TUBGCP6: variants seen among roughly 807,000 people sequenced by gnomAD.
TUBGCP6 encodes tubulin gamma complex component 6, also known as gamma-tubulin complex component 6.
Under a neutral mutation model 175.8 loss-of-function variants are expected in TUBGCP6, and 161 were observed. The ratio of observed to expected loss-of-function variants is 0.92; its 90% confidence interval spans 0.81 to 1.04. The LOEUF (loss-of-function observed/expected upper bound fraction) is 1.04, where lower values mean the gene tolerates loss of function less well. Ranked by LOEUF, TUBGCP6 falls within the 50% of genes least tolerant of loss-of-function variation. The pLI is 0.00. For synonymous variants in TUBGCP6, 1,173 were observed against 1,030.5 expected (o/e 1.14, Z -2.65); for missense variants, 2,572 against 2,433.0 (o/e 1.06, Z -1.20).
In TUBGCP6 at chr22:50,222,097, C is replaced by T; in HGVS notation, c.2415G>A (p.Met805Ile). 6.2e-7 allele frequency: 1 copy of T among 1,613,612 alleles called. No individual in the cohort carries two copies. Among genetic ancestry groups the T allele is most frequent in the Non-Finnish European group, 8.5e-7 (1 of 1,179,962 alleles). Residue 805 changes from methionine (M) to isoleucine (I), a missense_variant, in exon 15 of 25, where the codon ATG (methionine) becomes ATA (isoleucine). Coordinates refer to ENST00000248846, the MANE Select transcript of TUBGCP6 (RefSeq NM_020461.4). ...GGTGAGCCTCAGACACTGCTTTCAG[C>T]ATCTCCTGAAATTCAAGCCAGAGGG... ...LLEDEKHIQE[M>I]LKAVSEAHQP...
chr22:50,233,898 C>T (rs1401611632), intron 2 of TUBGCP6, among the ~76,000 whole-genome samples: 19 of 152,036 alleles, frequency 1.2e-4, no homozygotes, highest in Admixed American at 1.2e-3. Context: ...AGAAACAAAA[C>T]AAGATTTGTA....
At position 50,218,660 on chromosome 22, in the gene TUBGCP6, G is replaced by A; in HGVS notation, c.4822-40C>T. 3.1e-6 allele frequency: 5 copies of A among 1,613,606 alleles called. No homozygotes were observed. The South Asian group carries it at 4.4e-5, about 14-fold the overall frequency. ...GGCTCAGCAGGCATCCCACAGGCAG[G>A]CAGGCCCCTGTCCCATCCCCCGCGG... On this transcript the variant is annotated intron_variant, in intron 21 of 24. Coordinates refer to ENST00000248846, the MANE Select transcript of TUBGCP6 (RefSeq NM_020461.4).
Position 50,219,731 on chromosome 22 carries a change from C to T in TUBGCP6, c.4228G>A (p.Glu1410Lys). 3.1e-6 allele frequency: 5 copies of T among 1,613,742 alleles called. No individual in the cohort carries two copies. Among genetic ancestry groups the T allele is most frequent in the Non-Finnish European group, 4.2e-6 (5 of 1,179,998 alleles). ...RGEEAEASAA[E>K]AQGGEQAYLA... The stretch of plus-strand genomic sequence containing the variant: ...TAGGCCTGCTCCCCACCCTGAGCCT[C>T]CGCCGCCGATGCCTCCGCCTCCTCA... Residue 1410 changes from glutamate (E) to lysine (K), a missense_variant, in exon 18 of 25, where the codon GAG becomes AAG. By Grantham distance (56) the Glu-to-Lys change is moderately conservative (BLOSUM62 1). Coordinates refer to ENST00000248846, the MANE Select transcript of TUBGCP6 (RefSeq NM_020461.4).
intron 21 of TUBGCP6, 40 bp downstream of exon 21, chr22:50,218,663 G>GGCAA: frequency 6.2e-7 from 1 of 1,613,632 alleles, no homozygotes; most frequent in Non-Finnish European, 8.5e-7. Context: ...CAGGCAGGCA[G>GGCAA]GCCCCTGTCC....
At position 50,220,434 on chromosome 22, in the gene TUBGCP6, C is replaced by T. The variant is rs2064498144; in HGVS notation, c.3925G>A (p.Gly1309Arg). Residue 1309 changes from glycine (G) to arginine (R), a missense_variant, in exon 16 of 25, where the codon GGA (glycine) becomes AGA (arginine). Transcript: ENST00000248846. Reference protein sequence around the residue: ...GHTSQSALSLGAQSTVLDCGP... With the variant: ...GHTSQSALSLRAQSTVLDCGP... ...CAGTCCAGCACAGTGCTCTGTGCTC[C>T]CAGGCTGAGCGCTGACTGGGACGTG... The T allele has an allele frequency of 1.2e-6, 2 of 1,610,888 alleles. No homozygotes were observed. The highest frequency in any genetic ancestry group is 1.3e-5 in the African/African-American group (1 of 74,906).
At position 50,237,893 on chromosome 22, in the gene TUBGCP6, C is replaced by T. The variant is rs559176070; in HGVS notation, c.905+2311G>A. Among the ~76,000 whole-genome samples, 343 of 152,226 alleles carry T rather than the reference C, an allele frequency of 2.3e-3. 2 individuals carry two copies. The highest frequency in any genetic ancestry group is 3.8e-3 in the Non-Finnish European group (256 of 67,996). On this transcript the variant is annotated intron_variant, in intron 2 of 24. Transcript: ENST00000248846. ...ATCCCAGCACTTTGGGAGGCCGAGG[C>T]GGGTGGATCACCTGACGGTGGGAGT...
Position 50,218,328 on chromosome 22 carries a change from C to A in TUBGCP6, c.5029G>T (p.Val1677Leu). Reference sequence around the variant, plus strand: ...GCGATGTAGCCCTGGATGACCTTCACGAAATGCTGCATCTCGTGCTTGAAC... The same window carrying A: ...GCGATGTAGCCCTGGATGACCTTCAAGAAATGCTGCATCTCGTGCTTGAAC... ...QLFKHEMQHFVKVIQGYIANQ... is the reference protein window; with the variant it reads ...QLFKHEMQHFLKVIQGYIANQ... Residue 1677 changes from valine to leucine, a missense_variant, in exon 23 of 25, where the codon GTG becomes TTG. Val to Leu is a conservative substitution (Grantham distance 32). Coordinates refer to ENST00000248846, the MANE Select transcript of TUBGCP6 (RefSeq NM_020461.4). 1 of 1,613,088 alleles carries A rather than the reference C, an allele frequency of 6.2e-7. No individual in the cohort carries two copies. The highest frequency in any genetic ancestry group is 1.7e-5 in the Admixed American group (1 of 60,030).
Position 50,219,966 on chromosome 22 carries a change from G to A in TUBGCP6, c.4158C>T (p.Leu1386=), listed in dbSNP as rs1226455891. 1.9e-6 allele frequency: 3 copies of A among 1,614,020 alleles called. No homozygotes were observed. The highest frequency in any genetic ancestry group is 2.5e-6 in the Non-Finnish European group (3 of 1,179,962). Residue 1386 remains leucine, a synonymous_variant, in exon 17 of 25, where the codon CTC becomes CTT. Coordinates refer to ENST00000248846, the MANE Select transcript of TUBGCP6 (RefSeq NM_020461.4). ...DTEDLSPNWP[L]NSQEDTAAQS... is the part of the protein sequence containing the mutation. The stretch of plus-strand genomic sequence containing the variant: ...GCTGCATCCACCTAACCTGTGAGTT[G>A]AGAGGCCAATTTGGAGAGAGGTCCT...
intron 11 of TUBGCP6, 40 bp downstream of exon 11, chr22:50,224,471 C>A (rs776578915): frequency 1.2e-6 from 2 of 1,613,994 alleles, no homozygotes; most frequent in Non-Finnish European, 1.7e-6. Flanking sequence ...CCCAGCAAGG[C>A]CCCCCGGAAC....
At chr22:50,233,213 C>A in intron 3 of TUBGCP6, 103 bp downstream of exon 3, 2 of 1,362,880 alleles carry the variant, frequency 1.5e-6, no homozygotes, top group Non-Finnish European at 2.0e-6. Context: ...CCACTCCCCA[C>A]TCCCTGCACT....
chr22:50,218,723 A>G lies in TUBGCP6; in HGVS notation c.4801T>C (p.Cys1601Arg). 6.2e-7 allele frequency: 1 copy of G among 1,613,908 alleles called. No homozygotes were observed. The highest frequency in any genetic ancestry group is 8.5e-7 in the Non-Finnish European group (1 of 1,179,958). The change falls in exon 21 of 25, where the codon TGC becomes CGC. Residue 1601 changes from cysteine (C) to arginine (R), a missense_variant. Physicochemically the swap from Cys to Arg is radical, Grantham distance 180 (BLOSUM62 -3). Transcript: ENST00000248846. Reference protein sequence around the residue: ...FAPNAPDVLSCLELRYKVDWP... With the variant: ...FAPNAPDVLSRLELRYKVDWP... ...CTGACCTTGTACCTGAGCTCCAGGCAGCTCAGCACATCCGGGGCGTTGGGG... is the reference window on the plus strand; with the variant it reads ...CTGACCTTGTACCTGAGCTCCAGGCGGCTCAGCACATCCGGGGCGTTGGGG...
chr22:50,225,470 C>T (rs917772798), intron 10 of TUBGCP6, among the ~76,000 whole-genome samples: 4 of 152,166 alleles, frequency 2.6e-5, no homozygotes, highest in African/African-American at 9.6e-5. Flanking sequence ...GAGGCCCCAA[C>T]GGAGTTTCCC....
At chr22:50,235,020 AC>A (rs1337270045) in intron 2 of TUBGCP6, among the ~76,000 whole-genome samples, 1 of 119,870 alleles carries the variant, frequency 8.3e-6, no homozygotes, top group Non-Finnish European at 1.7e-5. Flanking sequence ...GGCAGCATCC[AC>A]CCCCTGTCCA....
At chr22:50,240,153 G>T in intron 2 of TUBGCP6, 51 bp downstream of exon 2, 1 of 1,609,390 alleles carries the variant, frequency 6.2e-7, no homozygotes, top group Admixed American at 1.7e-5. Flanking sequence ...CCAAGGCCAC[G>T]CTCATGCAGG....
At chr22:50,242,614 A>C (rs2064853884) in intron 1 of TUBGCP6, among the ~76,000 whole-genome samples, 1 of 152,254 alleles carries the variant, frequency 6.6e-6, no homozygotes, top group South Asian at 2.1e-4. Context: ...TCCTTTTGGC[A>C]ACACTGATAA....
Position 50,224,727 on chromosome 22 carries a change from C to T in TUBGCP6, c.1984-135G>A, listed in dbSNP as rs2064580550. Reference sequence around the variant, plus strand: ...TTCAAGACCAGCCTGGACAACATAGCAAAAACCCATCCCTACTAAAAATAC... The same window carrying T: ...TTCAAGACCAGCCTGGACAACATAGTAAAAACCCATCCCTACTAAAAATAC... On this transcript the variant is annotated intron_variant, in intron 10 of 24. Coordinates refer to ENST00000248846, the MANE Select transcript of TUBGCP6 (RefSeq NM_020461.4). 3.7e-6 allele frequency: 3 copies of T among 801,870 alleles called. No homozygotes were observed. In the South Asian group the frequency reaches 4.8e-5, roughly 13 times the overall value. 49.7% of individuals were successfully genotyped at this position (801,870 alleles called of 1,614,324 possible). A position where few individuals can be genotyped will look rare whatever the true frequency, so the allele number is the denominator to read the frequency against.
chr22:50,224,233 C>A lies in TUBGCP6; in HGVS notation c.2178G>T (p.Glu726Asp), dbSNP rs1342027085. ...CGTAGCTGAAGTCATCATCCAGCTC[C>A]TCCTGCCTGGCCGCCTGGCGTCGCT... is the stretch of plus-strand genomic sequence containing the variant. Reference protein sequence around the residue: ...DQERRQAARQEELDDDFSYAR... With the variant: ...DQERRQAARQDELDDDFSYAR... Residue 726 changes from glutamate to aspartate, a missense_variant, in exon 13 of 25, where the codon GAG becomes GAT. Glu to Asp is a conservative substitution (Grantham distance 45, BLOSUM62 2). Transcript: ENST00000248846. 3.1e-6 allele frequency: 5 copies of A among 1,614,192 alleles called. No homozygotes were observed. The East Asian group carries it at 1.1e-4, about 36-fold the overall frequency.
At position 50,217,943 on chromosome 22, in the gene TUBGCP6, C is replaced by CTCCT. The variant is rs2064443650; in HGVS notation, c.5342_5343insAGGA (p.Tyr1782GlyfsTer50). On this transcript the variant is annotated frameshift_variant, in exon 24 of 25. Transcript: ENST00000248846. LOFTEE classifies it high-confidence loss of function. ...CTTTGAAGAGAAAGTGGGAGTAGTA[C>CTCCT]TTGAAGGTGTTGTAGGACTGCTGCA... The CTCCT allele has an allele frequency of 6.2e-7, 1 of 1,608,764 alleles. No individual in the cohort carries two copies. The highest frequency in any genetic ancestry group is 1.3e-5 in the African/African-American group (1 of 74,676).
Position 50,244,734 on chromosome 22 carries a change from C to CT in TUBGCP6, c.-276dup. On this transcript the variant is annotated 5_prime_UTR_variant, in exon 1 of 25. Coordinates refer to ENST00000248846, the MANE Select transcript of TUBGCP6 (RefSeq NM_020461.4). ...CGGCGTTTCTTCTAATTCAGTAGCC[C>CT]TCAACCTTTAGGGAGTCACAGAACC... The CT allele has an allele frequency of 2.1e-6, 1 of 481,216 alleles. No individual in the cohort carries two copies. The highest frequency in any genetic ancestry group is 3.7e-6 in the Non-Finnish European group (1 of 270,852). 29.8% of individuals were successfully genotyped at this position (481,216 alleles called of 1,614,324 possible).
Sources: allele counts gnomAD v4.1 joint callset (sites outside exome capture counted in the v4.1 genomes callset), GRCh38; gene constraint gnomAD v4.1.1; transcripts MANE v1.5; gene names NCBI Gene and HGNC (gene_info 2026-07-23, HGNC 2026-07-21).